The following MIPEP variants were observed in gnomAD, a reference collection of about 807,000 sequenced individuals.
MIPEP encodes mitochondrial intermediate peptidase.
Under a neutral mutation model 90.3 loss-of-function variants are expected in MIPEP, and 79 were observed. The observed-to-expected ratio is 0.87, with a 90% CI of 0.73 to 1.05. The LOEUF (loss-of-function observed/expected upper bound fraction) is 1.05. Ranked by LOEUF, MIPEP falls within the 50% of genes least tolerant of loss-of-function variation. The probability of loss-of-function intolerance (pLI) is 0.00; values close to 1 mark genes in which losing one functional copy is unlikely to be tolerated. For synonymous variants in MIPEP, 334 were observed against 315.8 expected, an observed-to-expected ratio of 1.06 and a Z score of -0.61; for missense variants, 940 against 905.6, an observed-to-expected ratio of 1.04 and a Z score of -0.49.
chr13:23,839,865 G>T, intron 11 of MIPEP, 139 bp from the exon 12 acceptor site: 1 of 560,172 alleles, frequency 1.8e-6, no homozygotes, highest in Non-Finnish European at 3.1e-6. Context: ...ACATTATCTC[G>T]AGATAGATTC....
At chr13:23,863,449 T>C (rs1476650673) in intron 8 of MIPEP, among the ~76,000 whole-genome samples, 1 of 152,182 alleles carries the variant, frequency 6.6e-6, no homozygotes, top group East Asian at 1.9e-4. Flanking sequence ...AGCCAAAACT[T>C]TGTTTCAGGC....
intron 2 of MIPEP, among the ~76,000 whole-genome samples, chr13:23,884,215 T>TGGG (rs1264341864): frequency 9.3e-6 from 1 of 107,734 alleles, no homozygotes; most frequent in African/African-American, 4.0e-5. Context: ...CAGAGGTTAG[T>TGGG]GGGGAGGGGG....
intron 10 of MIPEP, among the ~76,000 whole-genome samples, chr13:23,853,605 A>T (rs1869904060): frequency 6.6e-6 from 1 of 151,730 alleles, no homozygotes; most frequent in African/African-American, 2.4e-5. Flanking sequence ...CTGTTGCCCA[A>T]ACTGGAGTGC....
intron 14 of MIPEP, among the ~76,000 whole-genome samples, chr13:23,811,666 G>T (rs1953172893): frequency 6.6e-6 from 1 of 152,144 alleles, no homozygotes; most frequent in Non-Finnish European, 1.5e-5. Context: ...TAAATAACAT[G>T]ATTATTGTGG....
At chr13:23,736,136 G>A (rs751727758) in intron 18 of MIPEP, among the ~76,000 whole-genome samples, 4 of 152,168 alleles carry the variant, frequency 2.6e-5, no homozygotes, top group Non-Finnish European at 5.9e-5. Flanking sequence ...TCCAACCAAG[G>A]TGGATGGAGT....
intron 16 of MIPEP, among the ~76,000 whole-genome samples, chr13:23,771,224 A>T (rs1952646984): frequency 6.6e-6 from 1 of 152,148 alleles, no homozygotes; most frequent in Non-Finnish European, 1.5e-5. Context: ...AAAGGAGAGA[A>T]GGGAAGGGAA....
At position 23,730,316 on chromosome 13, in the gene MIPEP, G is replaced by A; in HGVS notation, c.*32C>T. 1 of 1,372,668 alleles carries A rather than the reference G, an allele frequency of 7.3e-7. No individual in the cohort carries two copies. Among genetic ancestry groups the A allele is most frequent in the Non-Finnish European group, 1.0e-6 (1 of 967,746 alleles). 85.0% of individuals were successfully genotyped at this position (1,372,668 alleles called of 1,614,324 possible). On this transcript the variant is annotated 3_prime_UTR_variant, in exon 19 of 19. Transcript: ENST00000382172. ...TTTATAACAAAGTCATTATCTACAT[G>A]ACCTTGATTTAAGAGGTGTAGAGTG...
In MIPEP at chr13:23,730,339, G is replaced by A; in HGVS notation, c.*9C>T. 6.3e-7 allele frequency: 1 copy of A among 1,576,674 alleles called. No individual in the cohort carries two copies. On this transcript the variant is annotated 3_prime_UTR_variant, in exon 19 of 19. Coordinates refer to ENST00000382172, the MANE Select transcript of MIPEP (RefSeq NM_005932.4). ...ATGACCTTGATTTAAGAGGTGTAGAGTGTTTCTTTTATTCAGAATCCATGA... is the reference window on the plus strand; with the variant it reads ...ATGACCTTGATTTAAGAGGTGTAGAATGTTTCTTTTATTCAGAATCCATGA...
chr13:23,864,581 C>T (rs112541932), intron 7 of MIPEP, among the ~76,000 whole-genome samples: 7 of 151,768 alleles, frequency 4.6e-5, no homozygotes, highest in Admixed American at 1.3e-4. Context: ...ACCAAAAATA[C>T]AAAAATTAGC....
At chr13:23,819,142 CA>C (rs1953276481) in intron 14 of MIPEP, among the ~76,000 whole-genome samples, 1 of 152,174 alleles carries the variant, frequency 6.6e-6, no homozygotes, top group Admixed American at 6.5e-5. Context: ...TAAGGTTAAA[CA>C]AAAATTATGG....
intron 16 of MIPEP, among the ~76,000 whole-genome samples, chr13:23,767,574 C>T (rs1952603863): frequency 6.6e-6 from 1 of 151,916 alleles, no homozygotes; most frequent in Non-Finnish European, 1.5e-5. Context: ...GCCTCAGCCT[C>T]CCAAGTAGCT....
chr13:23,836,477 T>C (rs1869055631), intron 13 of MIPEP, 128 bp from the exon 14 acceptor site: 3 of 481,440 alleles, frequency 6.2e-6, no homozygotes, highest in South Asian at 9.9e-5. Flanking sequence ...AAATCAATAT[T>C]TTTCTTCTAT....
chr13:23,874,999 T>A, intron 4 of MIPEP, 90 bp from the exon 5 acceptor site: 1 of 1,007,422 alleles, frequency 9.9e-7, no homozygotes, highest in South Asian at 1.6e-5. Context: ...TAAGTCTTTT[T>A]CAGCCTCACT....
Position 23,886,460 on chromosome 13 carries a change from A to C in MIPEP, c.236T>G (p.Ile79Ser). 6.9e-6 allele frequency: 11 copies of C among 1,603,978 alleles called. No homozygotes were observed. Among genetic ancestry groups the C allele is most frequent in the Non-Finnish European group, 9.4e-6 (11 of 1,174,652 alleles). ...CTTTCTCAAGGCTTTTTCTTGTGCA[A>C]TATGAAATCCTTCTGGGGCACTCAG... ...PELSAPEGFH[I>S]AQEKALRKTE... The change falls in exon 2 of 19, where the codon ATT becomes AGT. Residue 79 changes from isoleucine to serine, a missense_variant. Coordinates refer to ENST00000382172, the MANE Select transcript of MIPEP (RefSeq NM_005932.4).
rs115309858 is a variant in MIPEP, at chr13:23,806,024, G to C, written c.1774C>G (p.Leu592Val). The part of the protein sequence containing the change: ...LDQIYHGKHP[L>V]RNSTTDILKE... ...AGAATGTCTGTGGTTGAATTCCTCA[G>C]GGGATGCTTCCCATGGTAGATTTGA... The change falls in exon 16 of 19, where the codon CTG becomes GTG. Residue 592 changes from leucine to valine, a missense_variant. By Grantham distance (32) the Leu-to-Val change is conservative (BLOSUM62 1). Coordinates refer to ENST00000382172, the MANE Select transcript of MIPEP (RefSeq NM_005932.4). 6.2e-7 allele frequency: 1 copy of C among 1,613,646 alleles called. No individual in the cohort carries two copies. Among genetic ancestry groups the C allele is most frequent in the South Asian group, 1.1e-5 (1 of 91,060 alleles).
intron 1 of MIPEP, among the ~76,000 whole-genome samples, chr13:23,887,517 C>A (rs1182442281): frequency 3.3e-5 from 5 of 152,154 alleles, no homozygotes; most frequent in African/African-American, 1.2e-4. Context: ...GTAAAGCCCA[C>A]ACTTTTCCAT....
In MIPEP at chr13:23,889,168, G is replaced by C. The variant is rs978980902; in HGVS notation, c.153C>G (p.Pro51=). 2 of 1,467,056 alleles carry C rather than the reference G, an allele frequency of 1.4e-6. No individual in the cohort carries two copies. Among genetic ancestry groups the C allele is most frequent in the Non-Finnish European group, 1.8e-6 (2 of 1,110,910 alleles). The allele number at this position is 1,467,056 out of a possible 1,614,324, so 90.9% of individuals were successfully genotyped here. The change falls in exon 1 of 19, where the codon CCC becomes CCG. Residue 51 remains proline (P), a synonymous_variant. Transcript: ENST00000382172. The part of the protein sequence containing the change: ...SPVGAAFNVK[P]QGSRLDLFGE... ...CGAACAGGTCCAAGCGGCTGCCCTG[G>C]GGCTTGACATTGAAGGCGGCGCCCA...
chr13:23,788,576 G>A lies in MIPEP; in HGVS notation c.1848+17374C>T, dbSNP rs550271110. ...TTCTTTGGTCATATTAAGTCACAAG[G>A]CCACAAATAACTGCAAGGGGCATGA... is the stretch of plus-strand genomic sequence containing the variant. On this transcript the variant is annotated intron_variant, in intron 16 of 18. Coordinates refer to ENST00000382172, the MANE Select transcript of MIPEP (RefSeq NM_005932.4). Among the ~76,000 whole-genome samples the A allele has an allele frequency of 1.3e-3, 196 of 152,276 alleles. 2 individuals are homozygous for A. Among genetic ancestry groups the A allele is most frequent in the Admixed American group, 1.8e-3 (28 of 15,300 alleles).
intron 14 of MIPEP, among the ~76,000 whole-genome samples, chr13:23,831,385 G>GGGGGT (rs1566009632): frequency 1.5e-5 from 2 of 132,464 alleles, no homozygotes; most frequent in East Asian, 4.4e-4. Flanking sequence ...CCCCATGGCG[G>GGGGGT]GGGGGGGATG....
Sources: allele counts gnomAD v4.1 joint callset (sites outside exome capture counted in the v4.1 genomes callset), GRCh38; gene constraint gnomAD v4.1.1; transcripts MANE v1.5; gene names NCBI Gene and HGNC (gene_info 2026-07-23, HGNC 2026-07-21).